The following SLC30A2 variants were observed in gnomAD, a reference collection of about 807,000 sequenced individuals.
The protein encoded by SLC30A2 is proton-coupled zinc antiporter SLC30A2.
In SLC30A2, 19 loss-of-function variants were observed where a neutral mutation model predicts 39.6. The ratio of observed to expected loss-of-function variants is 0.48; its 90% CI spans 0.34 to 0.70. The LOEUF (loss-of-function observed/expected upper bound fraction) is 0.70, where lower values mean the gene tolerates loss of function less well. Ranked by LOEUF, SLC30A2 falls within the 30% of genes least tolerant of loss-of-function variation. The probability of loss-of-function intolerance (pLI) is 0.01; values close to 1 mark genes in which losing one functional copy is unlikely to be tolerated. For missense variants in SLC30A2, 387 were observed against 479.4 expected (o/e 0.81, Z 1.80); for synonymous variants, 195 against 194.8 (o/e 1.00, Z -0.01).
At chr1:26,044,518 A>C in intron 2 of SLC30A2, 74 bp from the exon 3 acceptor site, 1 of 1,454,068 alleles carries the variant, frequency 6.9e-7, no homozygotes, top group East Asian at 2.3e-5. Context: ...CAGGGAGACC[A>C]CAGGCTCTGG....
Position 26,044,131 on chromosome 1 carries a change from C to T in SLC30A2, c.418+167G>A, listed in dbSNP as rs1016987727. Among the ~76,000 whole-genome samples the T allele has an allele frequency of 5.3e-5, 8 of 152,212 alleles. No individual in the cohort carries two copies. In the East Asian group the frequency reaches 1.5e-3, roughly 29 times the overall value. On this transcript the variant is annotated intron_variant, in intron 3 of 7. Coordinates refer to ENST00000374276, the MANE Select transcript of SLC30A2 (RefSeq NM_001004434.3). ...GGGCTCCCCCATCAGACTAGGATTT[C>T]CCAGAGGACAGAGGCCATGGTTGAC...
rs754898408 is a variant in SLC30A2, at chr1:26,043,523, C to T, written c.447G>A (p.Leu149=). ...AEILGALVSV[L]SIWVVTGVLV... ...GTACCCCCGTCACGACCCAGATGGA[C>T]AGTACAGAGACCAGGGCTCCCAAGA... Residue 149 remains leucine (L), a synonymous_variant, in exon 4 of 8, where the codon CTG becomes CTA. Transcript: ENST00000374276. 1 of 1,614,094 alleles carries T rather than the reference C, an allele frequency of 6.2e-7. No homozygotes were observed. The highest frequency in any genetic ancestry group is 2.2e-5 in the East Asian group (1 of 44,858).
In SLC30A2 at chr1:26,043,406, C is replaced by T; in HGVS notation, c.564G>A (p.Val188=). The T allele has an allele frequency of 6.2e-7, 1 of 1,613,798 alleles. No individual in the cohort carries two copies. The highest frequency in any genetic ancestry group is 1.3e-5 in the African/African-American group (1 of 75,020). The change falls in exon 4 of 8, where the codon GTG becomes GTA. Residue 188 remains valine (V), a synonymous_variant. Transcript: ENST00000374276. ...MLITSGCAVA[V]NIIMGLTLHQ... Reference sequence around the variant, plus strand: ...ACTGGGGCCCCACTCACATGATGTTCACAGCCACAGCGCAGCCCGACGTGA... The same window carrying T: ...ACTGGGGCCCCACTCACATGATGTTTACAGCCACAGCGCAGCCCGACGTGA...
chr1:26,039,892 G>T lies in SLC30A2; in HGVS notation c.858C>A (p.Asp286Glu). Residue 286 changes from aspartate to glutamate, a missense_variant, in exon 7 of 8, where the codon GAC becomes GAA. Physicochemically the swap from Asp to Glu is conservative, Grantham distance 45. Coordinates refer to ENST00000374276, the MANE Select transcript of SLC30A2 (RefSeq NM_001004434.3). The surrounding 1 kb of genome is among the most constrained non-coding windows in gnomAD (Gnocchi z 4.3). ...VLMEGTPKGV[D>E]FTAVRDLLLS... is the part of the protein sequence containing the mutation. ...GCAGCAGATCACGAACAGCTGTGAA[G>T]TCAACGCCCTTGGGGGTCCCTGAGG... is the stretch of plus-strand genomic sequence containing the variant. 1.2e-6 allele frequency: 2 copies of T among 1,614,074 alleles called. No homozygotes were observed. The highest frequency in any genetic ancestry group is 1.1e-5 in the South Asian group (1 of 91,074).
chr1:26,040,422 T>C (rs764439581), intron 6 of SLC30A2, among the ~76,000 whole-genome samples: 1 of 152,074 alleles, frequency 6.6e-6, no homozygotes, highest in Non-Finnish European at 1.5e-5. Context: ...CTAATTTTTG[T>C]ATTTTTGGTA....
rs1178144265 is a variant in SLC30A2, at chr1:26,038,299, C to A, written c.*861G>T. ...AAGCTGCGGTTTCCCTCCTAGCTGG[C>A]CTCTGGACCGAGTGCAGCCCCACTT... On this transcript the variant is annotated 3_prime_UTR_variant, in exon 8 of 8. Transcript: ENST00000374276. 6.6e-6 allele frequency: 1 copy of A among 152,306 alleles called. No individual in the cohort carries two copies. Among genetic ancestry groups the A allele is most frequent in the Non-Finnish European group, 1.5e-5 (1 of 68,104 alleles). The allele number at this position is 152,306 out of a possible 1,614,324, so 9.4% of individuals were successfully genotyped here. A position where few individuals can be genotyped will look rare whatever the true frequency, so the allele number is the denominator to read the frequency against.
At position 26,039,947 on chromosome 1, in the gene SLC30A2, C is replaced by G; in HGVS notation, c.839-36G>C. 6.2e-7 allele frequency: 1 copy of G among 1,612,924 alleles called. No homozygotes were observed. ...CAAGGACAGGGGAAACTAAAGGAAA[C>G]TACCCCTCCCACGCCTGCCCATTGG... On this transcript the variant is annotated intron_variant, in intron 6 of 7. Transcript: ENST00000374276. This position sits in a 1 kb window ranked among gnomAD's most constrained non-coding sequence, Gnocchi z 4.3.
chr1:26,043,161 G>A (rs1304513098), intron 4 of SLC30A2, among the ~76,000 whole-genome samples: 1 of 152,224 alleles, frequency 6.6e-6, no homozygotes, highest in Non-Finnish European at 1.5e-5. Context: ...TCCCTGACAT[G>A]TATCAGGGAG....
chr1:26,045,708 C>T (rs936564967), intron 1 of SLC30A2, 139 bp downstream of exon 1: 3 of 1,400,014 alleles, frequency 2.1e-6, no homozygotes, highest in East Asian at 2.5e-5. Flanking sequence ...CCATTATCTT[C>T]GTTCCCTCAC....
At chr1:26,044,188 G>C in intron 3 of SLC30A2, 110 bp downstream of exon 3, 1 of 1,129,576 alleles carries the variant, frequency 8.9e-7, no homozygotes, top group Non-Finnish European at 1.3e-6. Context: ...CACCCTCCTG[G>C]CCTCACTCAG....
At chr1:26,042,511 C>T (rs772307641) in intron 5 of SLC30A2, 38 bp downstream of exon 5, 1 of 1,587,906 alleles carries the variant, frequency 6.3e-7, no homozygotes, top group Non-Finnish European at 8.6e-7. Context: ...GGTCTACACT[C>T]CCCTGCCACC....
intron 6 of SLC30A2, among the ~76,000 whole-genome samples, chr1:26,040,120 GA>G (rs1476345159): frequency 2.0e-5 from 3 of 152,176 alleles, no homozygotes; most frequent in Non-Finnish European, 2.9e-5. Flanking sequence ...AATTATTTAT[GA>G]ATGTACTTAT....
chr1:26,040,918 C>CCA (rs1553143471), intron 6 of SLC30A2, among the ~76,000 whole-genome samples: 1 of 20,432 alleles, frequency 4.9e-5, no homozygotes, highest in Admixed American at 9.5e-4. Context: ...ATAGTGAGAC[C>CCA]CCCCCCCCAT....
rs981419477 is a variant in SLC30A2 at position 26,037,718 on chromosome 1, CCACAGACTTTT to C, written c.*1431_*1441del. On this transcript the variant is annotated 3_prime_UTR_variant, in exon 8 of 8. Transcript: ENST00000374276. The stretch of plus-strand genomic sequence containing the variant: ...CCACCCCTCTCCAGGCCAGTGCTTT[CCACAGACTTTT>C]CACAGACCTGGAGGGGCTGAAGGAC... 3 of 152,282 alleles carry C rather than the reference CCACAGACTTTT, an allele frequency of 2.0e-5. No individual in the cohort carries two copies. Among genetic ancestry groups the C allele is most frequent in the African/African-American group, 4.8e-5 (2 of 41,432 alleles). The allele number at this position is 152,282 out of a possible 1,614,324, so 9.4% of individuals were successfully genotyped here.
chr1:26,045,623 G>C (rs1464363490), intron 1 of SLC30A2, among the ~76,000 whole-genome samples: 1 of 152,206 alleles, frequency 6.6e-6, no homozygotes, highest in Non-Finnish European at 1.5e-5. Context: ...CCAATCCCCC[G>C]GCCCCAGGCC....
At chr1:26,042,777 C>T (rs546886077) in intron 4 of SLC30A2, 69 bp from the exon 5 acceptor site, 1 of 1,441,882 alleles carries the variant, frequency 6.9e-7, no homozygotes, top group East Asian at 2.3e-5. Flanking sequence ...TAGGACTAGC[C>T]AACTTGTAGG....
Position 26,039,598 on chromosome 1 carries a change from T to G in SLC30A2, c.973+179A>C, listed in dbSNP as rs1362477235. On this transcript the variant is annotated intron_variant, in intron 7 of 7. Coordinates refer to ENST00000374276, the MANE Select transcript of SLC30A2 (RefSeq NM_001004434.3). This position sits in a 1 kb window ranked among gnomAD's most constrained non-coding sequence, Gnocchi z 4.3. Reference sequence around the variant, plus strand: ...ACCACCCAACCCCAGCCTCAGTTTCTTCATGGATAAATGAGATTGTGCTGA... The same window carrying G: ...ACCACCCAACCCCAGCCTCAGTTTCGTCATGGATAAATGAGATTGTGCTGA... 6.6e-6 allele frequency among the ~76,000 whole-genome samples: 1 copy of G among 152,262 alleles called. No individual in the cohort carries two copies. Among genetic ancestry groups the G allele is most frequent in the Non-Finnish European group, 1.5e-5 (1 of 68,052 alleles).
chr1:26,042,503 T>A (rs1211922021), intron 5 of SLC30A2, 46 bp downstream of exon 5: 2 of 1,560,866 alleles, frequency 1.3e-6, no homozygotes, highest in Admixed American at 3.4e-5. Context: ...ACTCAGGTGG[T>A]CTACACTCCC....
At position 26,045,009 on chromosome 1, in the gene SLC30A2, C is replaced by T. The variant is rs185398527; in HGVS notation, c.259G>A (p.Gly87Arg). Residue 87 changes from glycine (G) to arginine (R), a missense_variant, in exon 2 of 8, where the codon GGA becomes AGA. Transcript: ENST00000374276. ...CAAAAGTGCTTACCAACGACTTCTC[C>T]GATCATGAACAACAGGCAGATGGCA... ...ASAICLLFMI[G>R]EVVGGYLAHS... 37 of 1,614,152 alleles carry T rather than the reference C, an allele frequency of 2.3e-5. No individual in the cohort carries two copies. Among genetic ancestry groups the T allele is most frequent in the African/African-American group, 1.3e-5 (1 of 75,048 alleles).
Sources: allele counts gnomAD v4.1 joint callset (sites outside exome capture counted in the v4.1 genomes callset), GRCh38; gene constraint gnomAD v4.1.1; non-coding constraint Gnocchi (gnomAD v3.1); transcripts MANE v1.5; gene names NCBI Gene and HGNC (gene_info 2026-07-23, HGNC 2026-07-21).